The following SYBU variants were observed in gnomAD, a reference collection of about 807,000 sequenced individuals.
SYBU encodes syntabulin.
SYBU carries 21 observed loss-of-function variants against 35.9 expected under a neutral mutation model. That is an observed-to-expected ratio of 0.58 (90% CI 0.41 to 0.84). The LOEUF (loss-of-function observed/expected upper bound fraction) is 0.84. Among genes scored for constraint, SYBU ranks in the 40% least tolerant of loss-of-function variants. SYBU has a pLI of 0.00. For synonymous variants in SYBU, 319 were observed against 324.3 expected (o/e 0.98, Z 0.18); for missense variants, 768 against 848.2 (o/e 0.91, Z 1.17).
chr8:109,639,010 C>G (rs546504465), intron 2 of SYBU, among the ~76,000 whole-genome samples: 1 of 152,324 alleles, frequency 6.6e-6, no homozygotes, highest in South Asian at 2.1e-4. Flanking sequence ...ATTAAATGTT[C>G]CTTGCCAAAG....
chr8:109,677,900 C>A (rs3134329), intron 1 of SYBU, among the ~76,000 whole-genome samples: 3 of 151,702 alleles, frequency 2.0e-5, no homozygotes, highest in Admixed American at 2.0e-4. Flanking sequence ...TTTGGCAGGG[C>A]GAGGTGGGTG....
In SYBU at chr8:109,575,339, G is replaced by T; in HGVS notation, c.1559C>A (p.Ser520Tyr). ...LQDPCPSSLASPDESEPDSME... is the reference protein window; with the variant it reads ...LQDPCPSSLAYPDESEPDSME... ...CGAGTCTGGTTCAGACTCATCAGGG[G>T]ACGCCAAGCTCGAGGGACAGGGGTC... The change falls in exon 7 of 7, where the codon TCC becomes TAC. Residue 520 changes from serine (S) to tyrosine (Y), a missense_variant. Transcript: ENST00000276646. The T allele has an allele frequency of 6.2e-7, 1 of 1,614,192 alleles. No homozygotes were observed. Among genetic ancestry groups the T allele is most frequent in the Non-Finnish European group, 8.5e-7 (1 of 1,180,030 alleles).
At chr8:109,678,155 AAAAAGG>A (rs1563778042) in intron 1 of SYBU, among the ~76,000 whole-genome samples, 1 of 126,712 alleles carries the variant, frequency 7.9e-6, no homozygotes, top group African/African-American at 2.7e-5. Context: ...AAAAAAAAAA[AAAAAGG>A]AAAAGGAAAA....
chr8:109,649,635 T>G (rs1042761168), upstream of SYBU, among the ~76,000 whole-genome samples: 1 of 152,190 alleles, frequency 6.6e-6, no homozygotes, highest in Non-Finnish European at 1.5e-5. Context: ...CTCTGATGCC[T>G]TATGGGAGAG....
At chr8:109,636,726 A>G (rs1814269459) in intron 2 of SYBU, among the ~76,000 whole-genome samples, 1 of 152,250 alleles carries the variant, frequency 6.6e-6, no homozygotes, top group African/African-American at 2.4e-5. Context: ...CAAAATAGTA[A>G]AAAGTATAGA....
At chr8:109,591,506 A>ATTTTTTTT (rs1047402673) in intron 3 of SYBU, among the ~76,000 whole-genome samples, 29 of 100,914 alleles carry the variant, frequency 2.9e-4, no homozygotes, top group Middle Eastern at 7.4e-3. Flanking sequence ...AAAAATGTAA[A>ATTTTTTTT]TTTTTTTTTT....
chr8:109,644,312 G>A (rs1815329493), intron 1 of SYBU: 1 of 552,294 alleles, frequency 1.8e-6, no homozygotes. Context: ...TTTCCCAGTC[G>A]CGGATGCATC....
chr8:109,629,053 T>C (rs1167571844), intron 2 of SYBU, among the ~76,000 whole-genome samples: 4 of 151,940 alleles, frequency 2.6e-5, no homozygotes, highest in African/African-American at 9.7e-5. Context: ...AGCTCTGAGA[T>C]AGGCAGGAAT....
intron 2 of SYBU, among the ~76,000 whole-genome samples, chr8:109,635,997 A>G (rs1586901596): frequency 6.6e-6 from 1 of 152,212 alleles, no homozygotes; most frequent in Non-Finnish European, 1.5e-5. Context: ...GTGATGGCAC[A>G]CATATCCAGT....
chr8:109,685,675 C>A (rs560392416), upstream of SYBU, among the ~76,000 whole-genome samples: 1 of 152,138 alleles, frequency 6.6e-6, no homozygotes, highest in Admixed American at 6.5e-5. Flanking sequence ...CAATTATATG[C>A]ATTAAGTATT....
At chr8:109,640,107 T>C (rs1378781212) in intron 2 of SYBU, among the ~76,000 whole-genome samples, 1 of 152,162 alleles carries the variant, frequency 6.6e-6, no homozygotes. Flanking sequence ...GGCTCAAGAT[T>C]GAAAGGTTGT....
At chr8:109,613,867 G>A (rs528494741) in intron 3 of SYBU, among the ~76,000 whole-genome samples, 1 of 152,288 alleles carries the variant, frequency 6.6e-6, no homozygotes, top group East Asian at 1.9e-4. Context: ...TGGGAAATAA[G>A]GTTTTCTAAA....
rs116236676 is a variant in SYBU, at chr8:109,582,637, C to G, written c.531-2635G>C. Among the ~76,000 whole-genome samples, 1,093 of 152,284 alleles carry G rather than the reference C, an allele frequency of 7.2e-3. 8 individuals are homozygous for G. The highest frequency in any genetic ancestry group is 0.025 in the African/African-American group (1,037 of 41,562). On this transcript the variant is annotated intron_variant, in intron 4 of 6. Transcript: ENST00000276646. ...ATTCCCTGACCATGGCTCTGGACTT[C>G]AGGTAATATCATCATCATCGTCATC...
chr8:109,662,609 C>T (rs766947943), intron 1 of SYBU, among the ~76,000 whole-genome samples: 2 of 152,170 alleles, frequency 1.3e-5, no homozygotes, highest in Non-Finnish European at 2.9e-5. Flanking sequence ...CCATATGAAT[C>T]TAACATTAGT....
intron 1 of SYBU, among the ~76,000 whole-genome samples, chr8:109,669,139 G>A (rs187380914): frequency 1.3e-5 from 2 of 151,674 alleles, no homozygotes; most frequent in African/African-American, 4.8e-5. Context: ...TCAGGAGAAC[G>A]AGACCATCCT....
upstream of SYBU, among the ~76,000 whole-genome samples, chr8:109,681,679 T>G (rs1817400085): frequency 6.6e-6 from 1 of 152,190 alleles, no homozygotes; most frequent in African/African-American, 2.4e-5. Flanking sequence ...GATCACACAT[T>G]TAATTTACAA....
chr8:109,640,786 T>A (rs1814771824), intron 2 of SYBU, among the ~76,000 whole-genome samples: 1 of 146,866 alleles, frequency 6.8e-6, no homozygotes. Flanking sequence ...GCAGACAATT[T>A]GATTAGCAAA....
chr8:109,655,530 A>G (rs574111871), intron 1 of SYBU, among the ~76,000 whole-genome samples: 1 of 152,290 alleles, frequency 6.6e-6, no homozygotes, highest in South Asian at 2.1e-4. Flanking sequence ...ATTTCATCCT[A>G]TGTATTATAA....
At chr8:109,608,783 T>C (rs1014159531) in intron 3 of SYBU, among the ~76,000 whole-genome samples, 4 of 152,330 alleles carry the variant, frequency 2.6e-5, no homozygotes, top group African/African-American at 9.6e-5. Context: ...ATAATAAAAG[T>C]GATCATTTAT....
Sources: allele counts gnomAD v4.1 joint callset (sites outside exome capture counted in the v4.1 genomes callset), GRCh38; gene constraint gnomAD v4.1.1; transcripts MANE v1.5; gene names NCBI Gene and HGNC (gene_info 2026-07-23, HGNC 2026-07-21).